The following MYRFL variants were observed in gnomAD, a reference collection of about 807,000 sequenced individuals.
The protein encoded by MYRFL is myelin regulatory factor like, also known as myelin regulatory factor-like protein.
Under a neutral mutation model 109.4 loss-of-function variants are expected in MYRFL, and 88 were observed. The ratio of observed to expected loss-of-function variants is 0.80; its 90% CI spans 0.68 to 0.96. The LOEUF (loss-of-function observed/expected upper bound fraction) is 0.96, where lower values mean the gene tolerates loss of function less well. MYRFL is among the 40% of genes least tolerant of loss of function. MYRFL has a pLI of 0.00. For missense variants in MYRFL, 957 were observed against 954.9 expected (o/e 1.00, Z -0.03); for synonymous variants, 324 against 320.9 (o/e 1.01, Z -0.10).
At chr12:69,838,362 T>C (rs1257841537) in intron 1 of MYRFL, among the ~76,000 whole-genome samples, 3 of 152,196 alleles carry the variant, frequency 2.0e-5, no homozygotes, top group Non-Finnish European at 4.4e-5. Flanking sequence ...TTCTCCCCTC[T>C]GTTTTTCTTC....
chr12:69,878,379 G>GGAA (rs1885826871), intron 2 of MYRFL, among the ~76,000 whole-genome samples: 2 of 152,096 alleles, frequency 1.3e-5, no homozygotes, highest in Non-Finnish European at 2.9e-5. Flanking sequence ...TTTGCGCCCA[G>GGAA]ATGGAAAATC....
chr12:69,923,423 T>C (rs1212170762), intron 13 of MYRFL, among the ~76,000 whole-genome samples: 1 of 152,120 alleles, frequency 6.6e-6, no homozygotes, highest in African/African-American at 2.4e-5. Context: ...AAATGTCTTT[T>C]TCTTTTAAGA....
intron 2 of MYRFL, among the ~76,000 whole-genome samples, chr12:69,874,335 G>A (rs11838102): frequency 0.058 from 8,811 of 152,028 alleles, 626 homozygotes; most frequent in African/African-American, 0.17. Flanking sequence ...ATGCCACCAC[G>A]CCCTGCTAAT....
At chr12:69,910,225 G>C in intron 12 of MYRFL, 148 bp downstream of exon 12, 1 of 616,566 alleles carries the variant, frequency 1.6e-6, no homozygotes, top group Non-Finnish European at 2.7e-6. Flanking sequence ...ACTAGAACAG[G>C]AAAGGTTAAA....
At chr12:69,912,126 C>A (rs893081305) in intron 13 of MYRFL, among the ~76,000 whole-genome samples, 55 of 152,202 alleles carry the variant, frequency 3.6e-4, no homozygotes, top group Non-Finnish European at 4.7e-4. Flanking sequence ...CCTGCTCAGC[C>A]CAGGGCTGCA....
chr12:69,837,659 G>A (rs1488193277), intron 1 of MYRFL, among the ~76,000 whole-genome samples: 1 of 152,154 alleles, frequency 6.6e-6, no homozygotes, highest in Non-Finnish European at 1.5e-5. Flanking sequence ...TGCCTGACTT[G>A]CAGTTTTCTA....
intron 20 of MYRFL, 81 bp downstream of exon 20, chr12:69,952,256 T>C: frequency 7.7e-7 from 1 of 1,304,402 alleles, no homozygotes; most frequent in Non-Finnish European, 1.1e-6. Context: ...ATTGCTGGAG[T>C]GAGGAGCAGG....
intron 16 of MYRFL, among the ~76,000 whole-genome samples, chr12:69,933,462 T>C (rs1185745183): frequency 1.3e-5 from 2 of 152,168 alleles, no homozygotes; most frequent in Non-Finnish European, 2.9e-5. Flanking sequence ...AGGACTGGCT[T>C]CTGGGGCCCG....
intron 1 of MYRFL, among the ~76,000 whole-genome samples, chr12:69,842,014 C>T (rs973319948): frequency 6.6e-6 from 1 of 152,162 alleles, no homozygotes; most frequent in Non-Finnish European, 1.5e-5. Flanking sequence ...GCTAACTTAT[C>T]CTGGGTTACA....
chr12:69,950,043 A>G (rs978668787), intron 19 of MYRFL, among the ~76,000 whole-genome samples: 3 of 152,208 alleles, frequency 2.0e-5, no homozygotes, highest in Non-Finnish European at 1.5e-5. Context: ...GTGCAAAAAT[A>G]TATGTCCCAC....
rs564693875 is a variant in MYRFL, at chr12:69,926,528, C to A, written c.1603-43C>A. On this transcript the variant is annotated intron_variant, in intron 13 of 24. Transcript: ENST00000552032. ...GCTGTAGACAGCTTTGTAGTGATCT[C>A]AAATTGTTAATTTATGCACTCTGTT... is the stretch of plus-strand genomic sequence containing the variant. 2.4e-5 allele frequency: 35 copies of A among 1,436,340 alleles called. 1 individual carries two copies. The highest frequency in any genetic ancestry group is 2.3e-4 in the South Asian group (15 of 64,490). 89.0% of individuals were successfully genotyped at this position (1,436,340 alleles called of 1,614,324 possible). A position where few individuals can be genotyped will look rare whatever the true frequency, so the allele number is the denominator to read the frequency against.
At position 69,958,239 on chromosome 12, in the gene MYRFL, C is replaced by T. The variant is rs1364080571; in HGVS notation, c.2572-10C>T. 1.3e-6 allele frequency: 2 copies of T among 1,530,310 alleles called. No individual in the cohort carries two copies. The highest frequency in any genetic ancestry group is 1.2e-5 in the South Asian group (1 of 83,036). The allele number at this position is 1,530,310 out of a possible 1,614,324, so 94.8% of individuals were successfully genotyped here. On this transcript the variant is annotated splice_polypyrimidine_tract_variant and intron_variant, in intron 23 of 24. Coordinates refer to ENST00000552032, the MANE Select transcript of MYRFL (RefSeq NM_182530.3). ...TGTACGAAATGGATCCTCTTTTATTCACTATTTAGGGATATCAGCACATTT... is the reference window on the plus strand; with the variant it reads ...TGTACGAAATGGATCCTCTTTTATTTACTATTTAGGGATATCAGCACATTT...
chr12:69,859,738 T>C (rs1884519844), intron 2 of MYRFL, among the ~76,000 whole-genome samples: 1 of 152,144 alleles, frequency 6.6e-6, no homozygotes, highest in Admixed American at 6.6e-5. Context: ...TCACACCAGT[T>C]AGAATGGCAA....
intron 2 of MYRFL, among the ~76,000 whole-genome samples, chr12:69,877,268 C>T (rs1388218228): frequency 6.6e-6 from 1 of 152,022 alleles, no homozygotes; most frequent in Non-Finnish European, 1.5e-5. Flanking sequence ...CGTGATCCGC[C>T]CGCCTCCGCC....
At chr12:69,837,187 G>A (rs971885924) in intron 1 of MYRFL, among the ~76,000 whole-genome samples, 3 of 152,184 alleles carry the variant, frequency 2.0e-5, no homozygotes, top group African/African-American at 7.2e-5. Flanking sequence ...GAAGAGCAGG[G>A]AAAGACAGGT....
chr12:69,912,200 G>A (rs528703996), intron 13 of MYRFL, among the ~76,000 whole-genome samples: 1 of 152,286 alleles, frequency 6.6e-6, no homozygotes, highest in Admixed American at 6.5e-5. Context: ...TTCGATAGAA[G>A]CAATTCTTCA....
rs763580394 is a variant in MYRFL, at chr12:69,936,597, C to A, written c.2189C>A (p.Ser730Tyr). The change falls in exon 19 of 25, where the codon TCT becomes TAT. Residue 730 changes from serine to tyrosine, a missense_variant. By Grantham distance (144) the Ser-to-Tyr change is moderately radical (BLOSUM62 -2). Coordinates refer to ENST00000552032, the MANE Select transcript of MYRFL (RefSeq NM_182530.3). ...EVSSSPVQRQ[S>Y]EEKEFHQRRW... ...TCTTCAAGTCCTGTGCAAAGACAATCTGAGGAGAAGGAATTCCATCAGAGG... is the reference window on the plus strand; with the variant it reads ...TCTTCAAGTCCTGTGCAAAGACAATATGAGGAGAAGGAATTCCATCAGAGG... The A allele has an allele frequency of 2.0e-6, 3 of 1,533,580 alleles. No individual in the cohort carries two copies. The allele number at this position is 1,533,580 out of a possible 1,614,324, so 95.0% of individuals were successfully genotyped here.
At position 69,955,487 on chromosome 12, in the gene MYRFL, A is replaced by C. The variant is rs182063010; in HGVS notation, c.2450+50A>C. 639 of 543,650 alleles carry C rather than the reference A, an allele frequency of 1.2e-3. 8 individuals carry two copies. Among genetic ancestry groups the C allele is most frequent in the African/African-American group, 0.011 (542 of 51,544 alleles). The allele number at this position is 543,650 out of a possible 1,614,324, so 33.7% of individuals were successfully genotyped here. ...ATTTCATTTTTATCATTAGTTGAAT[A>C]TGAAGTCTGGATTTACTTCACAATT... On this transcript the variant is annotated intron_variant, in intron 22 of 24. Transcript: ENST00000552032.
chr12:69,947,893 T>C (rs1261444065), intron 19 of MYRFL, among the ~76,000 whole-genome samples: 1 of 152,192 alleles, frequency 6.6e-6, no homozygotes, highest in Admixed American at 6.5e-5. Flanking sequence ...GTCTTACAAG[T>C]AGTGCAATAT....
Sources: gnomAD v4.1 joint callset for allele counts (sites outside exome capture counted in the v4.1 genomes callset) on GRCh38, gnomAD v4.1.1 for gene constraint, MANE v1.5 for transcripts, NCBI Gene and HGNC (gene_info 2026-07-23, HGNC 2026-07-21) for gene names.